The following DNAH14 variants were observed in gnomAD, a reference collection of about 807,000 sequenced individuals.
The protein encoded by DNAH14 is axonemal beta dynein heavy chain 14.
Under a neutral mutation model 520.9 loss-of-function variants are expected in DNAH14, and 478 were observed. The observed-to-expected ratio is 0.92, with a 90% CI of 0.85 to 0.99. The LOEUF is 0.99. Among genes scored for constraint, DNAH14 ranks in the 50% least tolerant of loss-of-function variants. The probability of loss-of-function intolerance (pLI) is 0.00; values close to 1 mark genes in which losing one functional copy is unlikely to be tolerated. For missense variants in DNAH14, 4,831 were observed against 5,234.5 expected (o/e 0.92, Z 2.38); for synonymous variants, 1,581 against 1,757.2 (o/e 0.90, Z 2.51).
rs2093066715 is a variant in DNAH14 at position 225,265,164 on chromosome 1, CTA to C, written c.7223-16_7223-15del. 2 of 1,421,648 alleles carry C rather than the reference CTA, an allele frequency of 1.4e-6. No individual in the cohort carries two copies. Among genetic ancestry groups the C allele is most frequent in the Non-Finnish European group, 1.8e-6 (2 of 1,090,968 alleles). The allele number at this position is 1,421,648 out of a possible 1,614,324, so 88.1% of individuals were successfully genotyped here. On this transcript the variant is annotated splice_polypyrimidine_tract_variant and intron_variant, in intron 47 of 85. Coordinates refer to ENST00000682510, the MANE Select transcript of DNAH14 (RefSeq NM_001367479.1). Reference sequence around the variant, plus strand: ...AGTGTCCTAAATTTGTTTTTTCTTTCTATGTTTGGCATCACAGATAATCCCAC... The same window carrying C: ...AGTGTCCTAAATTTGTTTTTTCTTTCTGTTTGGCATCACAGATAATCCCAC...
intron 43 of DNAH14, among the ~76,000 whole-genome samples, chr1:225,247,226 C>T (rs1265454854): frequency 4.7e-5 from 7 of 147,570 alleles, no homozygotes; most frequent in South Asian, 2.3e-4. Flanking sequence ...GGGCCTGTTG[C>T]GGGGTGGGGG....
At chr1:225,094,705 C>T (rs1041979485) in intron 21 of DNAH14, among the ~76,000 whole-genome samples, 2 of 135,432 alleles carry the variant, frequency 1.5e-5, no homozygotes, top group African/African-American at 5.4e-5. Context: ...CAAAAAAACG[C>T]TATCAACAGA....
In DNAH14 at chr1:225,212,194, T is replaced by C. The variant is rs184068862; in HGVS notation, c.6439+4974T>C. Among the ~76,000 whole-genome samples, 754 of 151,882 alleles carry C rather than the reference T, an allele frequency of 5.0e-3. 6 individuals are homozygous for C. The highest frequency in any genetic ancestry group is 0.017 in the African/African-American group (711 of 41,368). ...CCTTGTGAGAGTTTGCTGAGAATGATGGTTTCCAGCTTCATCCATGTCCCT... is the reference window on the plus strand; with the variant it reads ...CCTTGTGAGAGTTTGCTGAGAATGACGGTTTCCAGCTTCATCCATGTCCCT... On this transcript the variant is annotated intron_variant, in intron 41 of 85. Transcript: ENST00000682510.
At chr1:225,178,321 A>G (rs1253823877) in intron 36 of DNAH14, among the ~76,000 whole-genome samples, 3 of 152,118 alleles carry the variant, frequency 2.0e-5, no homozygotes. Flanking sequence ...AATCATGGGG[A>G]GAGGCAAAAG....
At chr1:225,104,378 A>G (rs1468504294) in intron 23 of DNAH14, among the ~76,000 whole-genome samples, 1 of 152,172 alleles carries the variant, frequency 6.6e-6, no homozygotes, top group Admixed American at 6.5e-5. Flanking sequence ...AGGCTTTAGT[A>G]TCAGGATGAT....
rs944466463 is a variant in DNAH14, at chr1:225,130,963, A to G, written c.4254+7349A>G. On this transcript the variant is annotated intron_variant, in intron 27 of 85. Transcript: ENST00000682510. ...TGCCAAGAAAGAAATGATTTGGAAA[A>G]TAAATCATTATGAAGGGTACTGGTG... Among the ~76,000 whole-genome samples, 13 of 152,172 alleles carry G rather than the reference A, an allele frequency of 8.5e-5. No homozygotes were observed. In the East Asian group the frequency reaches 2.3e-3, roughly 27 times the overall value.
intron 23 of DNAH14, among the ~76,000 whole-genome samples, chr1:225,103,185 A>G (rs2075676638): frequency 2.0e-5 from 3 of 152,188 alleles, no homozygotes; most frequent in Non-Finnish European, 2.9e-5. Flanking sequence ...GGTTTCTCAA[A>G]GATCAGATGG....
intron 23 of DNAH14, among the ~76,000 whole-genome samples, chr1:225,104,812 TTTG>T (rs966514499): frequency 2.7e-4 from 41 of 152,270 alleles, no homozygotes; most frequent in Middle Eastern, 3.4e-3. Flanking sequence ...GTCTATCAAT[TTTG>T]TTGATCTTTT....
chr1:225,155,783 T>C (rs984788893), intron 34 of DNAH14, among the ~76,000 whole-genome samples: 2 of 152,122 alleles, frequency 1.3e-5, no homozygotes, highest in Admixed American at 6.6e-5. Context: ...CTGCCCTAAA[T>C]GTGACAGCCC....
intron 29 of DNAH14, 136 bp downstream of exon 29, chr1:225,144,764 T>C (rs1235097175): frequency 2.9e-6 from 2 of 697,300 alleles, no homozygotes; most frequent in East Asian, 5.5e-5. Context: ...AACTCACATA[T>C]AATTAATTCA....
intron 66 of DNAH14, 82 bp downstream of exon 66, chr1:225,333,588 G>C: frequency 8.4e-7 from 1 of 1,192,514 alleles, no homozygotes; most frequent in Non-Finnish European, 1.2e-6. Flanking sequence ...TTCGGCCTTG[G>C]ATGTTGTCCC....
intron 1 of DNAH14, among the ~76,000 whole-genome samples, chr1:224,945,038 C>T (rs2125432515): frequency 6.6e-6 from 1 of 152,258 alleles, no homozygotes; most frequent in Middle Eastern, 3.4e-3. Context: ...GAATGTTGGC[C>T]TGCCTTGCTA....
Position 225,126,935 on chromosome 1 carries a change from A to G in DNAH14, c.4254+3321A>G, listed in dbSNP as rs562583608. 1.3e-3 allele frequency among the ~76,000 whole-genome samples: 191 copies of G among 151,926 alleles called. 1 individual carries two copies. The highest frequency in any genetic ancestry group is 4.3e-3 in the African/African-American group (176 of 41,384). ...TTAGTTCTCGTTGGTTTCAAAGAACATCTTTATTTCTGCCTTCATTTCGTT... is the reference window on the plus strand; with the variant it reads ...TTAGTTCTCGTTGGTTTCAAAGAACGTCTTTATTTCTGCCTTCATTTCGTT... On this transcript the variant is annotated intron_variant, in intron 27 of 85. Coordinates refer to ENST00000682510, the MANE Select transcript of DNAH14 (RefSeq NM_001367479.1).
chr1:225,097,520 T>A (rs967246155), intron 22 of DNAH14, among the ~76,000 whole-genome samples: 2 of 152,188 alleles, frequency 1.3e-5, no homozygotes, highest in African/African-American at 4.8e-5. Context: ...ACGCCTGTAA[T>A]CTCAGCATTT....
chr1:225,339,549 T>C (rs1167750474), intron 68 of DNAH14, among the ~76,000 whole-genome samples: 6 of 152,196 alleles, frequency 3.9e-5, no homozygotes, highest in Non-Finnish European at 5.9e-5. Context: ...CCCATTCTTT[T>C]TTCTTGCTAG....
chr1:225,323,327 GAAAGTTA>G (rs2094589628), intron 62 of DNAH14, among the ~76,000 whole-genome samples: 1 of 152,168 alleles, frequency 6.6e-6, no homozygotes, highest in African/African-American at 2.4e-5. Flanking sequence ...TAAAGCTGGA[GAAAGTTA>G]ACCTGTTTTG....
At chr1:225,260,510 T>C (rs775158843) in intron 46 of DNAH14, among the ~76,000 whole-genome samples, 4 of 152,190 alleles carry the variant, frequency 2.6e-5, no homozygotes, top group Non-Finnish European at 5.9e-5. Context: ...TCCTGTTTCA[T>C]TGGTCTATAT....
chr1:225,349,277 A>G (rs547270540), intron 71 of DNAH14, among the ~76,000 whole-genome samples: 14 of 152,344 alleles, frequency 9.2e-5, no homozygotes, highest in African/African-American at 3.4e-4. Context: ...TGTAATTGCA[A>G]TAGTAACCAC....
At chr1:225,079,173 C>T (rs1373733961) in intron 17 of DNAH14, 34 bp from the exon 18 acceptor site, 1 of 1,493,192 alleles carries the variant, frequency 6.7e-7, no homozygotes, top group East Asian at 2.5e-5. Flanking sequence ...GATGAAAAGT[C>T]ATTACACAAT....
Sources: gnomAD v4.1 joint callset for allele counts (sites outside exome capture counted in the v4.1 genomes callset) on GRCh38, gnomAD v4.1.1 for gene constraint, MANE v1.5 for transcripts, NCBI Gene and HGNC (gene_info 2026-07-23, HGNC 2026-07-21) for gene names.